DCC: variants seen among roughly 807,000 people sequenced by gnomAD.
The protein encoded by DCC is DCC netrin 1 receptor.
DCC carries 58 observed loss-of-function variants against 172.5 expected under a neutral mutation model. That is an observed-to-expected ratio of 0.34 (90% CI 0.27 to 0.42). The LOEUF (loss-of-function observed/expected upper bound fraction) is 0.42. Ranked by LOEUF, DCC falls within the 10% of genes least tolerant of loss-of-function variation. DCC has a pLI of 1.00. For synonymous variants in DCC, 709 were observed against 644.5 expected (o/e 1.10, Z -1.52); for missense variants, 1,740 against 1,791.0 (o/e 0.97, Z 0.51).
chr18:52,479,743 A>C (rs1295237803), intron 1 of DCC, among the ~76,000 whole-genome samples: 1 of 152,170 alleles, frequency 6.6e-6, no homozygotes, highest in Non-Finnish European at 1.5e-5. Flanking sequence ...TTCTGTACCA[A>C]CATGGCTAGA....
In DCC at chr18:53,155,244, G is replaced by T. The variant is rs572686000; in HGVS notation, c.1262-2112G>T. Among the ~76,000 whole-genome samples, 9 of 152,138 alleles carry T rather than the reference G, an allele frequency of 5.9e-5. No homozygotes were observed. In the East Asian group the frequency reaches 1.2e-3, roughly 20 times the overall value. ...TCTAGCTAGCAGAAGTTTAACTCAT[G>T]GCAGTGATACCACTCAGCCAGTCGC... On this transcript the variant is annotated intron_variant, in intron 7 of 28. Coordinates refer to ENST00000442544, the MANE Select transcript of DCC (RefSeq NM_005215.4).
chr18:53,310,867 G>A (rs976660186), intron 13 of DCC, among the ~76,000 whole-genome samples: 6 of 152,166 alleles, frequency 3.9e-5, no homozygotes, highest in Non-Finnish European at 8.8e-5. Flanking sequence ...AGGACACTTA[G>A]CATTCAGGAT....
At chr18:52,395,216 G>A (rs1448194647) in intron 1 of DCC, among the ~76,000 whole-genome samples, 2 of 152,044 alleles carry the variant, frequency 1.3e-5, no homozygotes, top group South Asian at 4.1e-4. Flanking sequence ...TAGATCAAGA[G>A]TATTTTTATG....
chr18:53,232,761 C>A (rs2056142294), intron 12 of DCC, among the ~76,000 whole-genome samples: 1 of 152,114 alleles, frequency 6.6e-6, no homozygotes, highest in South Asian at 2.1e-4. Context: ...CCACCATACC[C>A]AGGCCATATT....
intron 15 of DCC, among the ~76,000 whole-genome samples, chr18:53,371,456 G>A (rs1311488993): frequency 6.6e-6 from 1 of 151,926 alleles, no homozygotes; most frequent in Non-Finnish European, 1.5e-5. Flanking sequence ...AAGTGTCAGA[G>A]GAACAGTTAT....
chr18:52,902,232 G>A (rs1227237443), intron 2 of DCC, among the ~76,000 whole-genome samples: 3 of 152,216 alleles, frequency 2.0e-5, no homozygotes, highest in Non-Finnish European at 2.9e-5. Context: ...AAAACTCTTT[G>A]CCTGGTTTTG....
At chr18:52,659,685 A>C (rs1293361136) in intron 1 of DCC, among the ~76,000 whole-genome samples, 1 of 152,090 alleles carries the variant, frequency 6.6e-6, no homozygotes, top group African/African-American at 2.4e-5. Context: ...TTTTACTACA[A>C]CTCAACAAAT....
intron 2 of DCC, among the ~76,000 whole-genome samples, chr18:52,780,018 G>A (rs1410950405): frequency 6.6e-6 from 1 of 151,860 alleles, no homozygotes; most frequent in Non-Finnish European, 1.5e-5. Flanking sequence ...TACAGTTTTG[G>A]GATTTCCAAT....
intron 2 of DCC, among the ~76,000 whole-genome samples, chr18:52,850,811 T>A (rs2038964093): frequency 6.6e-6 from 1 of 152,060 alleles, no homozygotes; most frequent in Non-Finnish European, 1.5e-5. Context: ...AAAATCATAT[T>A]TAGGGTCAGA....
intron 1 of DCC, among the ~76,000 whole-genome samples, chr18:52,423,097 A>G (rs537001269): frequency 6.6e-6 from 1 of 152,292 alleles, no homozygotes; most frequent in African/African-American, 2.4e-5. Flanking sequence ...CTATTTCATT[A>G]AAGCATAAGT....
intron 1 of DCC, among the ~76,000 whole-genome samples, chr18:52,549,844 T>C (rs1195134563): frequency 1.3e-5 from 2 of 151,934 alleles, no homozygotes; most frequent in Non-Finnish European, 2.9e-5. Context: ...AGAAATTGTC[T>C]CATTTATTCT....
intron 12 of DCC, among the ~76,000 whole-genome samples, chr18:53,266,385 T>C (rs944569391): frequency 2.6e-5 from 4 of 152,180 alleles, no homozygotes; most frequent in African/African-American, 4.8e-5. Flanking sequence ...TTTATTATTG[T>C]TGTTTTATGA....
At chr18:53,145,177 C>T (rs1346035460) in intron 7 of DCC, among the ~76,000 whole-genome samples, 2 of 129,056 alleles carry the variant, frequency 1.5e-5, no homozygotes, top group South Asian at 2.8e-4. Context: ...TGCAGTGGCG[C>T]GATCTCGGCT....
Position 52,619,527 on chromosome 18 carries a change from C to T in DCC, c.92-132527C>T, listed in dbSNP as rs543517680. Among the ~76,000 whole-genome samples the T allele has an allele frequency of 3.3e-5, 5 of 152,264 alleles. No individual in the cohort carries two copies. In the East Asian group the frequency reaches 9.6e-4, roughly 29 times the overall value. On this transcript the variant is annotated intron_variant, in intron 1 of 28. Transcript: ENST00000442544. ...GTTCATGGTGTTTGAAACATTTTCC[C>T]TTGAGTATGGGTGATCCCAATAACC...
chr18:52,651,984 T>A (rs1284040990), intron 1 of DCC, among the ~76,000 whole-genome samples: 2 of 152,126 alleles, frequency 1.3e-5, no homozygotes, highest in Non-Finnish European at 2.9e-5. Context: ...AGCCACAGTA[T>A]CAGCAAACCA....
intron 1 of DCC, among the ~76,000 whole-genome samples, chr18:52,645,451 T>C (rs562048776): frequency 6.6e-6 from 1 of 152,196 alleles, no homozygotes; most frequent in Non-Finnish European, 1.5e-5. Context: ...TTTAGTTATC[T>C]CTCAAAAATG....
chr18:52,359,173 A>G (rs770289527), intron 1 of DCC, among the ~76,000 whole-genome samples: 3 of 152,186 alleles, frequency 2.0e-5, no homozygotes, highest in South Asian at 4.1e-4. Flanking sequence ...TCTCCCCTAC[A>G]TAAATGAGTT....
chr18:52,494,353 C>T (rs2030658818), intron 1 of DCC, among the ~76,000 whole-genome samples: 1 of 151,234 alleles, frequency 6.6e-6, no homozygotes, highest in African/African-American at 2.4e-5. Flanking sequence ...CACTTAGATT[C>T]TCGGATGTGA....
chr18:52,630,165 C>A (rs1161511059), intron 1 of DCC, among the ~76,000 whole-genome samples: 1 of 151,986 alleles, frequency 6.6e-6, no homozygotes, highest in East Asian at 1.9e-4. Context: ...AGAATAAAAA[C>A]AACATTCCTA....
Sources: allele counts gnomAD v4.1 joint callset (sites outside exome capture counted in the v4.1 genomes callset), GRCh38; gene constraint gnomAD v4.1.1; transcripts MANE v1.5; gene names NCBI Gene and HGNC (gene_info 2026-07-23, HGNC 2026-07-21).